Variants in CAMTA1 observed in about 807,000 individuals in gnomAD.
The protein encoded by CAMTA1 is calmodulin binding transcription activator 1.
In CAMTA1, 27 loss-of-function variants were observed where a neutral mutation model predicts 170.9. That is an observed-to-expected ratio of 0.16 (90% confidence interval 0.12 to 0.22). The LOEUF (loss-of-function observed/expected upper bound fraction) is 0.22. Ranked by LOEUF, CAMTA1 falls within the 10% of genes least tolerant of loss-of-function variation. The pLI is 1.00. For synonymous variants in CAMTA1, 833 were observed against 891.5 expected (o/e 0.93, Z 1.17); for missense variants, 1,619 against 2,217.2 (o/e 0.73, Z 5.42).
At chr1:7,128,679 T>C (rs1645070178) in intron 4 of CAMTA1, among the ~76,000 whole-genome samples, 1 of 151,624 alleles carries the variant, frequency 6.6e-6, no homozygotes, top group Admixed American at 6.6e-5. Context: ...TTTTTTAAGA[T>C]GAAGTCTTGC....
intron 6 of CAMTA1, among the ~76,000 whole-genome samples, chr1:7,546,975 G>A (rs1159077385): frequency 6.6e-6 from 1 of 152,074 alleles, no homozygotes; most frequent in African/African-American, 2.4e-5. Flanking sequence ...GTATATGCAA[G>A]TATTCCCCAT....
At chr1:6,816,462 A>G (rs1376954010) in intron 1 of CAMTA1, among the ~76,000 whole-genome samples, 1 of 152,186 alleles carries the variant, frequency 6.6e-6, no homozygotes, top group Non-Finnish European at 1.5e-5. Flanking sequence ...AGGAGCTACC[A>G]TAAAGAAGGA....
chr1:7,156,511 T>G (rs1365436625), intron 4 of CAMTA1, among the ~76,000 whole-genome samples: 1 of 152,202 alleles, frequency 6.6e-6, no homozygotes, highest in East Asian at 1.9e-4. Context: ...GAGCTCCCTC[T>G]GACCTGCACT....
chr1:7,362,709 C>A (rs1043515198), intron 5 of CAMTA1, among the ~76,000 whole-genome samples: 2 of 147,244 alleles, frequency 1.4e-5, no homozygotes, highest in Non-Finnish European at 3.0e-5. Context: ...TGGGTAGAGG[C>A]AGTGAACTTG....
chr1:7,423,067 A>G (rs987970366), intron 5 of CAMTA1, among the ~76,000 whole-genome samples: 6 of 152,108 alleles, frequency 3.9e-5, no homozygotes, highest in Non-Finnish European at 8.8e-5. Context: ...GCTCATGAAG[A>G]CAGCATGAGT....
rs1395986038 is a variant in CAMTA1, at chr1:7,270,289, A to ATTTTT, written c.438+20664_438+20665insTTTTT. On this transcript the variant is annotated intron_variant, in intron 5 of 22. Coordinates refer to ENST00000303635, the MANE Select transcript of CAMTA1 (RefSeq NM_015215.4). ...CACACACACACATATATATATATAT[A>ATTTTT]TATTTTTTTTTTTTTTTCTTGTGAG... Among the ~76,000 whole-genome samples, 195 of 112,728 alleles carry ATTTTT rather than the reference A, an allele frequency of 1.7e-3. 7 individuals are homozygous for ATTTTT. Among genetic ancestry groups the ATTTTT allele is most frequent in the African/African-American group, 5.9e-3 (161 of 27,078 alleles). 74.0% of individuals were successfully genotyped at this position (112,728 alleles called of 152,430 possible).
intron 3 of CAMTA1, among the ~76,000 whole-genome samples, chr1:7,058,213 C>T (rs951192469): frequency 2.6e-5 from 4 of 152,172 alleles, no homozygotes; most frequent in Admixed American, 6.5e-5. Flanking sequence ...GATTCTCCTG[C>T]GGACTCCGAT....
intron 3 of CAMTA1, among the ~76,000 whole-genome samples, chr1:7,032,244 C>T (rs1223296268): frequency 3.3e-5 from 5 of 152,308 alleles, no homozygotes; most frequent in African/African-American, 9.6e-5. Context: ...GGATTATAGG[C>T]GTGAGCCACT....
chr1:7,051,959 C>T (rs932115001), intron 3 of CAMTA1, among the ~76,000 whole-genome samples: 23 of 152,190 alleles, frequency 1.5e-4, no homozygotes, highest in Admixed American at 1.4e-3. Flanking sequence ...TCCGCAGCCT[C>T]CCCCTTCTTC....
chr1:6,822,243 T>C (rs1417046415), intron 2 of CAMTA1, among the ~76,000 whole-genome samples: 1 of 152,166 alleles, frequency 6.6e-6, no homozygotes, highest in Admixed American at 6.5e-5. Flanking sequence ...GTTTAGTTAT[T>C]TTATCATTCT....
At chr1:7,045,770 T>C (rs1236925602) in intron 3 of CAMTA1, among the ~76,000 whole-genome samples, 1 of 152,206 alleles carries the variant, frequency 6.6e-6, no homozygotes, top group African/African-American at 2.4e-5. Flanking sequence ...GCATCTGTTG[T>C]TGGATTGTGT....
At chr1:7,496,368 A>G (rs965938552) in intron 6 of CAMTA1, among the ~76,000 whole-genome samples, 2 of 152,152 alleles carry the variant, frequency 1.3e-5, no homozygotes, top group Non-Finnish European at 2.9e-5. Flanking sequence ...AAGGGTAAGC[A>G]TGTGGGTGAG....
intron 6 of CAMTA1, among the ~76,000 whole-genome samples, chr1:7,563,684 A>T (rs1186929858): frequency 6.6e-6 from 1 of 152,242 alleles, no homozygotes; most frequent in African/African-American, 2.4e-5. Context: ...TGCAAAGAAC[A>T]CAGCATTCTG....
Position 7,456,331 on chromosome 1 carries a change from C to G in CAMTA1, c.439-11499C>G, listed in dbSNP as rs1389331863. Among the ~76,000 whole-genome samples the G allele has an allele frequency of 6.6e-6, 1 of 152,092 alleles. No individual in the cohort carries two copies. The highest frequency in any genetic ancestry group is 6.5e-5 in the Admixed American group (1 of 15,268). On this transcript the variant is annotated intron_variant, in intron 5 of 22. Coordinates refer to ENST00000303635, the MANE Select transcript of CAMTA1 (RefSeq NM_015215.4). The surrounding 1 kb of genome is among the most constrained non-coding windows in gnomAD (Gnocchi z 4.9). ...CGGGAAGGAGGAAGGCAGGCCATCA[C>G]CAGTATACACCACTCTGGAGACCAG...
chr1:7,709,820 A>G (rs1225179973), intron 11 of CAMTA1, among the ~76,000 whole-genome samples: 1 of 152,246 alleles, frequency 6.6e-6, no homozygotes, highest in East Asian at 1.9e-4. Flanking sequence ...GGTTCAGAAA[A>G]GCATGGTCAC....
intron 6 of CAMTA1, among the ~76,000 whole-genome samples, chr1:7,501,628 T>TTTA (rs397705926): frequency 0.01 from 1,561 of 151,492 alleles, 28 homozygotes; most frequent in African/African-American, 0.035. Flanking sequence ...GTTTTTTTTT[T>TTTA]ATTTTAGTCT....
At chr1:6,923,924 A>T (rs1682553386) in intron 3 of CAMTA1, among the ~76,000 whole-genome samples, 1 of 152,186 alleles carries the variant, frequency 6.6e-6, no homozygotes, top group African/African-American at 2.4e-5. Flanking sequence ...GGGGAAAAAC[A>T]ATTCCCCAAG....
intron 5 of CAMTA1, among the ~76,000 whole-genome samples, chr1:7,265,121 T>C (rs963681829): frequency 6.6e-6 from 1 of 152,068 alleles, no homozygotes; most frequent in Non-Finnish European, 1.5e-5. Flanking sequence ...GATGTGCCAG[T>C]GCCACCCACT....
intron 5 of CAMTA1, among the ~76,000 whole-genome samples, chr1:7,304,202 C>G (rs569890290): frequency 6.6e-6 from 1 of 152,138 alleles, no homozygotes; most frequent in East Asian, 1.9e-4. Context: ...CACTTGAAAA[C>G]GGTCAAAATG....
Sources: allele counts gnomAD v4.1 joint callset (sites outside exome capture counted in the v4.1 genomes callset), GRCh38; gene constraint gnomAD v4.1.1; non-coding constraint Gnocchi (gnomAD v3.1); transcripts MANE v1.5; gene names NCBI Gene and HGNC (gene_info 2026-07-23, HGNC 2026-07-21).